KHDRBS2: variants seen among roughly 807,000 people sequenced by gnomAD.
The protein encoded by KHDRBS2 is KH domain-containing, RNA-binding, signal transduction-associated protein 2.
KHDRBS2 carries 26 observed loss-of-function variants against 44.3 expected under a neutral mutation model. The observed-to-expected ratio is 0.59, with a 90% CI of 0.43 to 0.81. The LOEUF (loss-of-function observed/expected upper bound fraction) is 0.81, where lower values mean the gene tolerates loss of function less well. Ranked by LOEUF, KHDRBS2 falls within the 40% of genes least tolerant of loss-of-function variation. The pLI, the probability that KHDRBS2 is intolerant of heterozygous loss-of-function variation, is 0.00. For synonymous variants in KHDRBS2, 194 were observed against 151.1 expected (o/e 1.28, Z -2.08); for missense variants, 476 against 433.1 (o/e 1.10, Z -0.88).
the KHDRBS2 span, among the ~76,000 whole-genome samples, chr6:61,613,255 C>T: frequency 5.3e-5 from 8 of 152,144 alleles, no homozygotes; most frequent in Non-Finnish European, 1.0e-4. Context: ...ATATTTCCTG[C>T]GATAACTTCT....
the KHDRBS2 span, among the ~76,000 whole-genome samples, chr6:61,550,356 C>T: frequency 6.6e-6 from 1 of 152,138 alleles, no homozygotes; most frequent in Non-Finnish European, 1.5e-5. Context: ...GTCTATGTTG[C>T]TGCAAAGGGC....
At chr6:62,097,399 CT>C in intron 2 of KHDRBS2, among the ~76,000 whole-genome samples, 1 of 151,942 alleles carries the variant, frequency 6.6e-6, no homozygotes, top group South Asian at 2.1e-4. Context: ...GTTATATATA[CT>C]TAGGTGCTTT....
At chr6:62,105,788 T>C (rs1200879510) in intron 2 of KHDRBS2, among the ~76,000 whole-genome samples, 1 of 151,524 alleles carries the variant, frequency 6.6e-6, no homozygotes, top group Non-Finnish European at 1.5e-5. Context: ...TCAGTTCTGC[T>C]CTGATTTTAG....
At chr6:61,723,835 A>G (rs916891346) in intron 7 of KHDRBS2, among the ~76,000 whole-genome samples, 2 of 152,292 alleles carry the variant, frequency 1.3e-5, no homozygotes, top group African/African-American at 4.8e-5. Context: ...AAGAGAGCAG[A>G]CCTATGACTG....
chr6:61,648,079 T>A, the KHDRBS2 span, among the ~76,000 whole-genome samples: 5 of 152,106 alleles, frequency 3.3e-5, no homozygotes, highest in Non-Finnish European at 7.4e-5. Context: ...CAGATTCAGA[T>A]CTTATATAAG....
At chr6:61,678,936 G>C (rs532689279), downstream of KHDRBS2, 3 of 151,892 alleles carry the variant, frequency 2.0e-5, no homozygotes, top group African/African-American at 7.2e-5. Context: ...TGTGTTCTTT[G>C]TTTGTGGGTA....
intron 1 of KHDRBS2, among the ~76,000 whole-genome samples, chr6:62,256,597 C>G (rs1018492130): frequency 1.3e-5 from 2 of 152,056 alleles, no homozygotes; most frequent in Admixed American, 1.3e-4. Flanking sequence ...CATTAAACCT[C>G]TCTTGTAAAT....
At chr6:61,685,044 T>C (rs1007929633) in intron 8 of KHDRBS2, among the ~76,000 whole-genome samples, 2 of 151,600 alleles carry the variant, frequency 1.3e-5, no homozygotes, top group African/African-American at 4.8e-5. Flanking sequence ...CAGGAAAAAA[T>C]GAACCTGAAA....
chr6:61,598,233 T>C, the KHDRBS2 span, among the ~76,000 whole-genome samples: 1 of 151,558 alleles, frequency 6.6e-6, no homozygotes, highest in Non-Finnish European at 1.5e-5. Context: ...GTTGCTACCA[T>C]ACTCTAGATA....
chr6:61,699,226 A>G (rs1170067387), intron 7 of KHDRBS2, among the ~76,000 whole-genome samples: 4 of 152,084 alleles, frequency 2.6e-5, no homozygotes, highest in Non-Finnish European at 5.9e-5. Flanking sequence ...CATTTAATTG[A>G]GTAGCCTAAT....
At chr6:61,740,905 T>C (rs368792476) in intron 6 of KHDRBS2, among the ~76,000 whole-genome samples, 3 of 151,908 alleles carry the variant, frequency 2.0e-5, no homozygotes, top group East Asian at 1.9e-4. Context: ...CATCAACATA[T>C]GCATGGCAAC....
At chr6:61,602,165 ATC>A in the KHDRBS2 span, among the ~76,000 whole-genome samples, 1 of 152,010 alleles carries the variant, frequency 6.6e-6, no homozygotes, top group African/African-American at 2.4e-5. Flanking sequence ...TGGCCCTCAA[ATC>A]CCACAACAGG....
intron 2 of KHDRBS2, among the ~76,000 whole-genome samples, chr6:62,155,753 A>G (rs1816223702): frequency 6.6e-6 from 1 of 152,234 alleles, no homozygotes; most frequent in Non-Finnish European, 1.5e-5. Context: ...AGTAGAAGCT[A>G]TTCCCATATC....
intron 8 of KHDRBS2, among the ~76,000 whole-genome samples, chr6:61,690,069 A>T (rs1767225400): frequency 6.6e-6 from 1 of 151,960 alleles, no homozygotes; most frequent in South Asian, 2.1e-4. Context: ...AGTGTAGCAC[A>T]TTTATTTCAG....
At chr6:61,983,803 G>T (rs1384803611) in intron 3 of KHDRBS2, among the ~76,000 whole-genome samples, 2 of 152,134 alleles carry the variant, frequency 1.3e-5, no homozygotes, top group Admixed American at 1.3e-4. Flanking sequence ...GATTAAAAAT[G>T]AGGTGTACTG....
chr6:61,960,555 C>T (rs1476472493), intron 4 of KHDRBS2, among the ~76,000 whole-genome samples: 2 of 151,830 alleles, frequency 1.3e-5, no homozygotes, highest in Non-Finnish European at 2.9e-5. Flanking sequence ...ATCCTTAGAT[C>T]AATAAAAACA....
chr6:61,799,014 G>T (rs577545260), intron 6 of KHDRBS2, among the ~76,000 whole-genome samples: 2 of 151,914 alleles, frequency 1.3e-5, no homozygotes, highest in African/African-American at 2.4e-5. Context: ...GGAGCCAAAG[G>T]AACAGGTGAA....
intron 6 of KHDRBS2, among the ~76,000 whole-genome samples, chr6:61,862,899 C>T (rs1310892659): frequency 6.6e-6 from 1 of 151,826 alleles, no homozygotes; most frequent in Non-Finnish European, 1.5e-5. Context: ...GGACTGGTAC[C>T]AGCTCTTCTT....
At position 61,750,741 on chromosome 6, in the gene KHDRBS2, T is replaced by A. The variant is rs887121920; in HGVS notation, c.811-17977A>T. Among the ~76,000 whole-genome samples the A allele has an allele frequency of 4.0e-5, 6 of 149,766 alleles. No homozygotes were observed. The Admixed American group carries it at 4.0e-4, about 10-fold the overall frequency. ...GAGTAACTGCCTTTCTTCTTCTCAT[T>A]TATGACCAGAGAAAAAAGTAAAAAA... is the stretch of plus-strand genomic sequence containing the variant. On this transcript the variant is annotated intron_variant, in intron 6 of 8. Coordinates refer to ENST00000281156, the MANE Select transcript of KHDRBS2 (RefSeq NM_152688.4).
Sources: gnomAD v4.1 joint callset for allele counts (sites outside exome capture counted in the v4.1 genomes callset) on GRCh38, gnomAD v4.1.1 for gene constraint, MANE v1.5 for transcripts, NCBI Gene and HGNC (gene_info 2026-07-23, HGNC 2026-07-21) for gene names.